Variants in TMEM245 observed in about 807,000 individuals in gnomAD.
The protein encoded by TMEM245 is protein CG-2.
A neutral mutation model predicts 101.2 loss-of-function variants in TMEM245; 69 were observed. The ratio of observed to expected loss-of-function variants is 0.68; its 90% confidence interval spans 0.56 to 0.83. The LOEUF is 0.83. Among genes scored for constraint, TMEM245 ranks in the 40% least tolerant of loss-of-function variants. The pLI, the probability that TMEM245 is intolerant of heterozygous loss-of-function variation, is 0.00. For missense variants in TMEM245, 1,075 were observed against 1,092.8 expected (o/e 0.98, Z 0.23); for synonymous variants, 537 against 449.8 (o/e 1.19, Z -2.45).
At chr9:109,053,786 C>T (rs1021761617) in intron 12 of TMEM245, among the ~76,000 whole-genome samples, 1 of 152,184 alleles carries the variant, frequency 6.6e-6, no homozygotes, top group Admixed American at 6.5e-5. Flanking sequence ...TCAAACGCAA[C>T]AGTTTAGAAA....
At chr9:109,074,575 C>T (rs141467265) in intron 8 of TMEM245, among the ~76,000 whole-genome samples, 75 of 152,150 alleles carry the variant, frequency 4.9e-4, no homozygotes, top group African/African-American at 1.7e-3. Flanking sequence ...AGTCCCCCAC[C>T]CACACCCACC....
chr9:109,103,354 A>G (rs1054928354), intron 3 of TMEM245, among the ~76,000 whole-genome samples: 3 of 152,218 alleles, frequency 2.0e-5, no homozygotes, highest in Admixed American at 1.3e-4. Context: ...ATTCCACATG[A>G]TAGTATCAAA....
In TMEM245 at chr9:109,019,238, A is replaced by G. The variant is rs889573135; in HGVS notation, c.*1222T>C. 6.6e-6 allele frequency: 1 copy of G among 152,230 alleles called. No homozygotes were observed. Among genetic ancestry groups the G allele is most frequent in the Non-Finnish European group, 1.5e-5 (1 of 68,052 alleles). The allele number at this position is 152,230 out of a possible 1,614,324, so 9.4% of individuals were successfully genotyped here. On this transcript the variant is annotated 3_prime_UTR_variant, in exon 18 of 18. Transcript: ENST00000374586. ...TCGTAACACTGGGAAAACTGCATACAATATTTAGAAGGAACACTAATACAG... is the reference window on the plus strand; with the variant it reads ...TCGTAACACTGGGAAAACTGCATACGATATTTAGAAGGAACACTAATACAG...
At chr9:109,066,547 T>C (rs1829174930) in intron 9 of TMEM245, among the ~76,000 whole-genome samples, 2 of 147,520 alleles carry the variant, frequency 1.4e-5, no homozygotes, top group African/African-American at 5.1e-5. Flanking sequence ...AGTATAAGCA[T>C]ATAAACAGGA....
intron 11 of TMEM245, among the ~76,000 whole-genome samples, chr9:109,057,972 G>A (rs1250498318): frequency 2.4e-5 from 2 of 83,906 alleles, no homozygotes; most frequent in African/African-American, 9.1e-5. Flanking sequence ...CCTTTCTCTT[G>A]ATTTCCCATC....
At chr9:109,085,472 T>C (rs1829802937) in intron 7 of TMEM245, among the ~76,000 whole-genome samples, 1 of 152,240 alleles carries the variant, frequency 6.6e-6, no homozygotes, top group African/African-American at 2.4e-5. Context: ...TCACAGGTCA[T>C]GACTACTATC....
intron 14 of TMEM245, among the ~76,000 whole-genome samples, chr9:109,043,277 G>A (rs181859223): frequency 9.9e-5 from 15 of 152,256 alleles, no homozygotes; most frequent in African/African-American, 3.1e-4. Context: ...CAAACATCAC[G>A]ATAGACGTGG....
In TMEM245 at chr9:109,093,094, A is replaced by G. The variant is rs900876431; in HGVS notation, c.916+381T>C. On this transcript the variant is annotated intron_variant, in intron 4 of 17. Coordinates refer to ENST00000374586, the MANE Select transcript of TMEM245 (RefSeq NM_032012.4). Reference sequence around the variant, plus strand: ...GAGAACTGACAGTTGTAGAAGAAAGAAATGGAAAATAAGAAATCAAGATAA... The same window carrying G: ...GAGAACTGACAGTTGTAGAAGAAAGGAATGGAAAATAAGAAATCAAGATAA... Among the ~76,000 whole-genome samples, 5 of 152,322 alleles carry G rather than the reference A, an allele frequency of 3.3e-5. No individual in the cohort carries two copies. In the South Asian group the frequency reaches 6.2e-4, roughly 19 times the overall value.
chr9:109,037,730 C>T (rs1300912895), intron 15 of TMEM245, among the ~76,000 whole-genome samples: 1 of 152,188 alleles, frequency 6.6e-6, no homozygotes, highest in Non-Finnish European at 1.5e-5. Flanking sequence ...CCAATTAAAC[C>T]TCTTCTTTAT....
At chr9:109,088,652 C>T (rs1829911135) in intron 5 of TMEM245, among the ~76,000 whole-genome samples, 1 of 151,550 alleles carries the variant, frequency 6.6e-6, no homozygotes, top group South Asian at 2.1e-4. Flanking sequence ...CCCGTCTCTA[C>T]TAAAAATACA....
Position 109,038,342 on chromosome 9 carries a change from T to G in TMEM245, c.2124-225A>C, listed in dbSNP as rs552107366. The G allele has an allele frequency of 9.6e-5, 33 of 342,920 alleles. No individual in the cohort carries two copies. In the South Asian group the frequency reaches 2.6e-3, roughly 27 times the overall value. 21.2% of individuals were successfully genotyped at this position (342,920 alleles called of 1,614,324 possible). The stretch of plus-strand genomic sequence containing the variant: ...ATGAAATATGTTTTATTTGGAAATA[T>G]GTTTACTATTCCTTAAATTTCTGAT... On this transcript the variant is annotated intron_variant, in intron 14 of 17. Coordinates refer to ENST00000374586, the MANE Select transcript of TMEM245 (RefSeq NM_032012.4).
chr9:109,050,043 C>T (rs941875836), intron 14 of TMEM245, among the ~76,000 whole-genome samples: 22 of 152,194 alleles, frequency 1.4e-4, no homozygotes, highest in African/African-American at 5.1e-4. Context: ...CTTCCTGCCT[C>T]AAGCAATCTC....
chr9:109,061,635 C>T (rs537947699), intron 10 of TMEM245, among the ~76,000 whole-genome samples: 68 of 150,858 alleles, frequency 4.5e-4, no homozygotes, highest in Non-Finnish European at 7.4e-4. Flanking sequence ...GGCGCGATCT[C>T]GACTCTCATT....
At chr9:109,058,946 T>C (rs1371506874) in intron 11 of TMEM245, among the ~76,000 whole-genome samples, 1 of 152,152 alleles carries the variant, frequency 6.6e-6, no homozygotes, top group Non-Finnish European at 1.5e-5. Flanking sequence ...GGAGCATCCC[T>C]GGATTTTGGT....
chr9:109,040,190 C>T (rs1039374571), intron 14 of TMEM245, among the ~76,000 whole-genome samples: 1 of 152,168 alleles, frequency 6.6e-6, no homozygotes, highest in Non-Finnish European at 1.5e-5. Context: ...GATGAAAAGA[C>T]AATATATTCC....
At chr9:109,091,537 G>A (rs910240434) in intron 4 of TMEM245, among the ~76,000 whole-genome samples, 1 of 152,116 alleles carries the variant, frequency 6.6e-6, no homozygotes, top group Non-Finnish European at 1.5e-5. Context: ...TCTTTCAATA[G>A]AACTTTAGAT....
intron 3 of TMEM245, among the ~76,000 whole-genome samples, chr9:109,095,111 G>A (rs1996608): frequency 0.9 from 136,705 of 152,200 alleles, 61,559 homozygotes; most frequent in African/African-American, 0.96. Flanking sequence ...ATAGGGTATC[G>A]TATCTCTCAA....
chr9:109,114,259 T>C (rs12003666), intron 1 of TMEM245, among the ~76,000 whole-genome samples: 3,818 of 152,268 alleles, frequency 0.025, 160 homozygotes, highest in African/African-American at 0.088. Flanking sequence ...ATATTCAAAG[T>C]CTTTAACTGA....
intron 11 of TMEM245, among the ~76,000 whole-genome samples, chr9:109,057,938 T>TA (rs1828891182): frequency 6.6e-6 from 1 of 151,158 alleles, no homozygotes; most frequent in Non-Finnish European, 1.5e-5. Context: ...TTTTTTTTTT[T>TA]TTTTTTAGTT....
Sources: allele counts gnomAD v4.1 joint callset (sites outside exome capture counted in the v4.1 genomes callset), GRCh38; gene constraint gnomAD v4.1.1; transcripts MANE v1.5; gene names NCBI Gene and HGNC (gene_info 2026-07-23, HGNC 2026-07-21).